Variants in PPIE observed in about 807,000 individuals in gnomAD.
PPIE encodes peptidyl-prolyl cis-trans isomerase E.
Under a neutral mutation model 38.4 loss-of-function variants are expected in PPIE, and 20 were observed. The observed-to-expected ratio is 0.52, with a 90% CI of 0.37 to 0.76. The LOEUF (loss-of-function observed/expected upper bound fraction) is 0.76, where lower values mean the gene tolerates loss of function less well. PPIE is among the 30% of genes least tolerant of loss of function. PPIE has a pLI of 0.00. For missense variants in PPIE, 322 were observed against 385.8 expected (o/e 0.83, Z 1.39); for synonymous variants, 142 against 135.7 (o/e 1.05, Z -0.32).
downstream of PPIE, chr1:39,757,927 AG>A (rs1353087912): frequency 6.6e-6 from 1 of 152,224 alleles, no homozygotes; most frequent in Non-Finnish European, 1.5e-5. Context: ...AGGTAGACAA[AG>A]CCTTATGTTT....
intron 5 of PPIE, 56 bp downstream of exon 5, chr1:39,743,353 G>A: frequency 1.3e-6 from 2 of 1,499,956 alleles, no homozygotes; most frequent in East Asian, 2.3e-5. Flanking sequence ...GGCCTTAGTT[G>A]CATTTTTTGT....
At chr1:39,752,793 T>G (rs1010396371) in intron 8 of PPIE, 117 bp from the exon 9 acceptor site, 32 of 1,237,754 alleles carry the variant, frequency 2.6e-5, no homozygotes, top group Non-Finnish European at 3.4e-5. Context: ...TTGCATGTGA[T>G]CTGTGCATCC....
intron 7 of PPIE, 177 bp downstream of exon 7, chr1:39,745,675 G>A: frequency 1.1e-6 from 1 of 907,246 alleles, no homozygotes; most frequent in Non-Finnish European, 1.6e-6. Context: ...TGTTTTTGAA[G>A]CTTTATAAGT....
In PPIE at chr1:39,741,812, T is replaced by C. The variant is rs562999515; in HGVS notation, c.175-83T>C. The C allele has an allele frequency of 2.0e-5, 30 of 1,510,482 alleles. No individual in the cohort carries two copies. The South Asian group carries it at 3.1e-4, about 16-fold the overall frequency. The allele number at this position is 1,510,482 out of a possible 1,614,324, so 93.6% of individuals were successfully genotyped here. On this transcript the variant is annotated intron_variant, in intron 3 of 9. Transcript: ENST00000324379. ...ATACAGAGGTGGCATTTTTCTGGAT[T>C]TTTGCTACTGAGCATGTGTTTAGAC...
chr1:39,760,432 C>T (rs754866097), downstream of PPIE: 2 of 1,614,012 alleles, frequency 1.2e-6, no homozygotes, highest in Non-Finnish European at 1.7e-6. Flanking sequence ...GTGGCAGCCG[C>T]AGGCCTTGAC....
rs185849180 is a variant in PPIE at position 39,754,233 on chromosome 1, T to A, written c.*878T>A. ...AGTGGCAGAGGTGCGTAAGGGGCTA[T>A]AGACACAATACAGGCTATGGTCCCT... On this transcript the variant is annotated 3_prime_UTR_variant, in exon 10 of 10. Coordinates refer to ENST00000324379, the MANE Select transcript of PPIE (RefSeq NM_006112.4). The A allele has an allele frequency of 3.8e-6, 1 of 264,568 alleles. No individual in the cohort carries two copies. The highest frequency in any genetic ancestry group is 1.8e-4 in the East Asian group (1 of 5,670). 16.4% of individuals were successfully genotyped at this position (264,568 alleles called of 1,614,324 possible).
chr1:39,756,969 A>C (rs1481776236), downstream of PPIE, among the ~76,000 whole-genome samples: 1 of 152,188 alleles, frequency 6.6e-6, no homozygotes, highest in Non-Finnish European at 1.5e-5. Context: ...CCCCATGCAA[A>C]TTGCCACCCA....
chr1:39,752,023 GCC>G (rs928445716), intron 8 of PPIE, among the ~76,000 whole-genome samples: 1 of 152,102 alleles, frequency 6.6e-6, no homozygotes, highest in Non-Finnish European at 1.5e-5. Flanking sequence ...GATTGCTTGT[GCC>G]CCAGAGATTG....
At chr1:39,762,698 C>T (rs1649161401) in intron 9 of PPIE, 8 of 1,475,814 alleles carry the variant, frequency 5.4e-6, no homozygotes, top group Admixed American at 2.6e-5. Flanking sequence ...ACACATATCA[C>T]GGGCGGTCAG....
At chr1:39,757,895 G>A (rs955330944), downstream of PPIE, 1 of 152,188 alleles carries the variant, frequency 6.6e-6, no homozygotes, top group African/African-American at 2.4e-5. Flanking sequence ...GATAAAAGTT[G>A]CTGAAAGTCT....
chr1:39,745,982 CT>C (rs1344644964), intron 7 of PPIE: 8 of 154,682 alleles, frequency 5.2e-5, no homozygotes, highest in African/African-American at 1.9e-4. Flanking sequence ...CAGTCGTCCC[CT>C]GGTGCTGTCC....
chr1:39,753,363 C>T lies in PPIE; in HGVS notation c.*8C>T, dbSNP rs776283098. 13 of 1,613,276 alleles carry T rather than the reference C, an allele frequency of 8.1e-6. No individual in the cohort carries two copies. Among genetic ancestry groups the T allele is most frequent in the Admixed American group, 1.7e-5 (1 of 59,938 alleles). On this transcript the variant is annotated 3_prime_UTR_variant, in exon 10 of 10. Coordinates refer to ENST00000324379, the MANE Select transcript of PPIE (RefSeq NM_006112.4). ...TGTGGGGAGTACGTGTGAGGCGGCA[C>T]TCTCTCTGCTTCCCCCTCCGCTCTT...
chr1:39,761,581 C>T (rs900805930), downstream of PPIE, among the ~76,000 whole-genome samples: 13 of 152,256 alleles, frequency 8.5e-5, no homozygotes, highest in South Asian at 2.1e-4. Context: ...CTAGGGGAGC[C>T]GGCCCTGCCC....
At chr1:39,744,734 A>G (rs1432988167) in intron 6 of PPIE, among the ~76,000 whole-genome samples, 3 of 152,196 alleles carry the variant, frequency 2.0e-5, no homozygotes, top group Non-Finnish European at 4.4e-5. Context: ...TCATCCACAC[A>G]TTGACCCACG....
chr1:39,752,968 A>AGAAC lies in PPIE; in HGVS notation c.753_754insGAAC (p.Cys252GlufsTer3). The AGAAC allele has an allele frequency of 1.9e-6, 3 of 1,614,216 alleles. No homozygotes were observed. The highest frequency in any genetic ancestry group is 2.5e-6 in the Non-Finnish European group (3 of 1,180,022). ...CCAATGGCTCTCAGTTCTTCCTGAC[A>AGAAC]TGTGACAAGACAGACTGGCTGGATG... On this transcript the variant is annotated frameshift_variant, in exon 9 of 10. Transcript: ENST00000324379. LOFTEE classifies it high-confidence loss of function.
rs373064185 is a variant in PPIE at position 39,745,446 on chromosome 1, G to A, written c.456G>A (p.Pro152=). Residue 152 remains proline, a synonymous_variant, in exon 7 of 10, where the codon CCG becomes CCA. Transcript: ENST00000324379. ...VYMDIKIGNK[P]AGRIQMLLRS... ...TGGACATCAAGATTGGGAACAAGCC[G>A]GCTGGCCGCATCCAGATGCTCCTGC... 40 of 1,614,124 alleles carry A rather than the reference G, an allele frequency of 2.5e-5. No homozygotes were observed. The highest frequency in any genetic ancestry group is 4.4e-5 in the South Asian group (4 of 91,082).
chr1:39,756,592 T>G lies in PPIE; in HGVS notation c.*3237T>G. 1 of 985,420 alleles carries G rather than the reference T, an allele frequency of 1.0e-6. No individual in the cohort carries two copies. Among genetic ancestry groups the G allele is most frequent in the Non-Finnish European group, 1.2e-6 (1 of 829,928 alleles). 61.0% of individuals were successfully genotyped at this position (985,420 alleles called of 1,614,324 possible). A position where few individuals can be genotyped will look rare whatever the true frequency, so the allele number is the denominator to read the frequency against. On this transcript the variant is annotated 3_prime_UTR_variant, in exon 10 of 10. Transcript: ENST00000324379. ...AATTATAGAACCAACTTTTTATTGT[T>G]GAAAATGGAGTCTTGTAGAGTTCAG...
chr1:39,738,921 C>G lies in PPIE; in HGVS notation c.21C>G (p.Val7=). ...GCAAGATGGCCACCACCAAGCGCGT[C>G]TTGTACGTGGGTGAGCAGGAGGGGT... The part of the protein sequence containing the change: MATTKR[V]LYVGGLAEEV... Residue 7 remains valine, a synonymous_variant, in exon 1 of 10, where the codon GTC becomes GTG. Coordinates refer to ENST00000324379, the MANE Select transcript of PPIE (RefSeq NM_006112.4). 6.7e-7 allele frequency: 1 copy of G among 1,500,214 alleles called. No individual in the cohort carries two copies. The highest frequency in any genetic ancestry group is 1.3e-5 in the South Asian group (1 of 75,116). 92.9% of individuals were successfully genotyped at this position (1,500,214 alleles called of 1,614,324 possible). A position where few individuals can be genotyped will look rare whatever the true frequency, so the allele number is the denominator to read the frequency against.
chr1:39,762,991 C>G, intron 9 of PPIE: 1 of 1,409,848 alleles, frequency 7.1e-7, no homozygotes, highest in South Asian at 1.2e-5. Context: ...CCCTGAGACG[C>G]GGAGCAGGTG....
Sources: gnomAD v4.1 joint callset for allele counts (sites outside exome capture counted in the v4.1 genomes callset) on GRCh38, gnomAD v4.1.1 for gene constraint, MANE v1.5 for transcripts, NCBI Gene and HGNC (gene_info 2026-07-23, HGNC 2026-07-21) for gene names.